Variants in ERBB4 observed in about 807,000 individuals in gnomAD.
The protein encoded by ERBB4 is erb-b2 receptor tyrosine kinase 4, also known as receptor tyrosine-protein kinase erbB-4.
In ERBB4, 42 loss-of-function variants were observed where a neutral mutation model predicts 158.0. That is an observed-to-expected ratio of 0.27 (90% CI 0.21 to 0.34). The LOEUF (loss-of-function observed/expected upper bound fraction) is 0.34. Ranked by LOEUF, ERBB4 falls within the 10% of genes least tolerant of loss-of-function variation. The probability of loss-of-function intolerance (pLI) is 1.00; values close to 1 mark genes in which losing one functional copy is unlikely to be tolerated. For synonymous variants in ERBB4, 583 were observed against 558.7 expected (o/e 1.04, Z -0.61); for missense variants, 1,333 against 1,624.1 (o/e 0.82, Z 3.08).
intron 12 of ERBB4, among the ~76,000 whole-genome samples, chr2:211,697,644 A>G (rs116511369): frequency 0.011 from 1,638 of 152,302 alleles, 18 homozygotes; most frequent in African/African-American, 0.026. Flanking sequence ...ACAAGATTTA[A>G]AAAAAGATAA....
At chr2:211,889,306 C>A (rs1222479121) in intron 3 of ERBB4, among the ~76,000 whole-genome samples, 1 of 144,964 alleles carries the variant, frequency 6.9e-6, no homozygotes, top group Non-Finnish European at 1.5e-5. Context: ...CCTCACACGG[C>A]AGGGTATTCC....
chr2:211,985,022 G>A (rs535411885), intron 2 of ERBB4, among the ~76,000 whole-genome samples: 2 of 152,230 alleles, frequency 1.3e-5, no homozygotes, highest in South Asian at 2.1e-4. Flanking sequence ...CACTTAGAGT[G>A]TTATTGTTTT....
intron 2 of ERBB4, among the ~76,000 whole-genome samples, chr2:211,984,035 C>T (rs142560791): frequency 1.2e-3 from 181 of 152,178 alleles, no homozygotes; most frequent in African/African-American, 4.2e-3. Context: ...GTTTTGTAGG[C>T]TGGAAAATCT....
At chr2:212,523,870 T>C (rs1462918511) in intron 1 of ERBB4, among the ~76,000 whole-genome samples, 2 of 152,010 alleles carry the variant, frequency 1.3e-5, no homozygotes, top group African/African-American at 4.8e-5. Context: ...AGGAACTCAC[T>C]AACTCCTGGG....
At chr2:211,967,871 T>C (rs569779178) in intron 2 of ERBB4, among the ~76,000 whole-genome samples, 2 of 152,040 alleles carry the variant, frequency 1.3e-5, no homozygotes, top group East Asian at 1.9e-4. Context: ...TTTTGAACAG[T>C]ATGCCAAGTT....
At chr2:212,504,794 G>C (rs1032354073) in intron 1 of ERBB4, among the ~76,000 whole-genome samples, 1 of 152,048 alleles carries the variant, frequency 6.6e-6, no homozygotes, top group African/African-American at 2.4e-5. Context: ...AGTTGTGTTT[G>C]CATATGATTT....
rs189109815 is a variant in ERBB4 at position 211,718,395 on chromosome 2, T to G, written c.883+3998A>C. ...TGCTTGGGACCAGATGTGTTTCAGA[T>G]TTCAGAATTTTTTGGATTTTGTAAT... is the stretch of plus-strand genomic sequence containing the variant. On this transcript the variant is annotated intron_variant, in intron 7 of 27. Transcript: ENST00000342788. Among the ~76,000 whole-genome samples, 197 of 152,306 alleles carry G rather than the reference T, an allele frequency of 1.3e-3. 1 individual carries two copies. Among genetic ancestry groups the G allele is most frequent in the Non-Finnish European group, 2.2e-3 (147 of 68,036 alleles).
At chr2:211,628,940 A>C (rs899428253) in intron 17 of ERBB4, among the ~76,000 whole-genome samples, 9 of 151,998 alleles carry the variant, frequency 5.9e-5, no homozygotes, top group Admixed American at 5.2e-4. Flanking sequence ...GCATTTTTTC[A>C]TGTGTCTTTT....
intron 1 of ERBB4, among the ~76,000 whole-genome samples, chr2:212,341,266 G>T (rs2088697813): frequency 6.6e-6 from 1 of 151,748 alleles, no homozygotes; most frequent in Admixed American, 6.6e-5. Flanking sequence ...CCAAAAGATG[G>T]TACTAAGTAT....
chr2:212,418,144 C>T (rs916721022), intron 1 of ERBB4, among the ~76,000 whole-genome samples: 3 of 151,884 alleles, frequency 2.0e-5, no homozygotes, highest in Admixed American at 2.0e-4. Flanking sequence ...GTTAGCCATT[C>T]GGTCTATGGT....
intron 1 of ERBB4, among the ~76,000 whole-genome samples, chr2:212,388,785 C>G (rs2090761510): frequency 6.6e-6 from 1 of 152,048 alleles, no homozygotes; most frequent in Non-Finnish European, 1.5e-5. Context: ...ACAGACCGTT[C>G]TTAGGGCCAA....
intron 2 of ERBB4, among the ~76,000 whole-genome samples, chr2:212,042,999 G>T (rs552658506): frequency 6.6e-6 from 1 of 152,082 alleles, no homozygotes; most frequent in African/African-American, 2.4e-5. Flanking sequence ...TTAGCTGTGC[G>T]GCAAAGGAAA....
At chr2:212,055,589 G>C (rs1055314505) in intron 2 of ERBB4, among the ~76,000 whole-genome samples, 1 of 152,196 alleles carries the variant, frequency 6.6e-6, no homozygotes, top group Non-Finnish European at 1.5e-5. Flanking sequence ...GCTTCCAGGG[G>C]AACAATCAGG....
rs758847566 is a variant in ERBB4 at position 211,386,935 on chromosome 2, G to T, written c.3399C>A (p.Thr1133=). Residue 1133 remains threonine (T), a synonymous_variant, in exon 27 of 28, where the codon ACC becomes ACA. Transcript: ENST00000342788. The stretch of plus-strand genomic sequence containing the variant: ...GTGGGCTCCGTTCTGGGGCAAACAC[G>T]GTGGGGTCAGCACTGTACCTCTGGG... ...SSTQRYSADP[T]VFAPERSPRG... The T allele has an allele frequency of 6.2e-7, 1 of 1,614,104 alleles. No homozygotes were observed. The highest frequency in any genetic ancestry group is 1.1e-5 in the South Asian group (1 of 91,086).
At chr2:212,111,165 C>T (rs1453318204) in intron 2 of ERBB4, among the ~76,000 whole-genome samples, 3 of 152,272 alleles carry the variant, frequency 2.0e-5, no homozygotes, top group Admixed American at 6.5e-5. Flanking sequence ...GACTGGAGAT[C>T]TCAGGATCTT....
intron 3 of ERBB4, among the ~76,000 whole-genome samples, chr2:211,934,063 A>G (rs1348822911): frequency 6.6e-6 from 1 of 152,042 alleles, no homozygotes; most frequent in Non-Finnish European, 1.5e-5. Flanking sequence ...CAATAATTTT[A>G]GAGTCTCCTC....
At chr2:211,872,490 T>C (rs911311342) in intron 3 of ERBB4, among the ~76,000 whole-genome samples, 5 of 152,184 alleles carry the variant, frequency 3.3e-5, no homozygotes, top group African/African-American at 9.7e-5. Context: ...TACTGAGTTA[T>C]ATCTATAAAA....
At chr2:211,805,464 T>C (rs918642545) in intron 3 of ERBB4, among the ~76,000 whole-genome samples, 1 of 152,088 alleles carries the variant, frequency 6.6e-6, no homozygotes, top group East Asian at 1.9e-4. Flanking sequence ...CATAGAAAAA[T>C]CTAAATAGAA....
At chr2:211,702,241 T>C in intron 11 of ERBB4, 75 bp from the exon 12 acceptor site, 1 of 1,106,068 alleles carries the variant, frequency 9.0e-7, no homozygotes, top group South Asian at 1.2e-5. Context: ...CATTTTATTT[T>C]AAAAAGAATG....
Sources: gnomAD v4.1 joint callset for allele counts (sites outside exome capture counted in the v4.1 genomes callset) on GRCh38, gnomAD v4.1.1 for gene constraint, MANE v1.5 for transcripts, NCBI Gene and HGNC (gene_info 2026-07-23, HGNC 2026-07-21) for gene names.